RYR2: variants seen among roughly 807,000 people sequenced by gnomAD.
RYR2 encodes the protein ryanodine receptor 2.
Under a neutral mutation model 601.1 loss-of-function variants are expected in RYR2, and 227 were observed. The ratio of observed to expected loss-of-function variants is 0.38; its 90% CI spans 0.34 to 0.42. RYR2 has a LOEUF of 0.42. Ranked by LOEUF, RYR2 falls within the 10% of genes least tolerant of loss-of-function variation. The pLI is 1.00. For synonymous variants in RYR2, 2,223 were observed against 2,175.1 expected (o/e 1.02, Z -0.61); for missense variants, 4,646 against 6,156.5 (o/e 0.75, Z 8.21).
intron 1 of RYR2, among the ~76,000 whole-genome samples, chr1:237,056,030 A>C (rs1661978611): frequency 6.6e-6 from 1 of 151,268 alleles, no homozygotes. Context: ...GGACTGGAGC[A>C]CTGCACCTGT....
chr1:237,542,058 CTTTATTTATTTATTTATTTATTTA>C (rs71180097), intron 25 of RYR2, among the ~76,000 whole-genome samples: 10 of 148,414 alleles, frequency 6.7e-5, no homozygotes, highest in East Asian at 2.0e-4. Flanking sequence ...ACATTTTTGT[CTTTATTTATTTATTTATTTATTTA>C]TTTATTTATT....
At chr1:237,230,912 G>T (rs1294986840) in intron 1 of RYR2, among the ~76,000 whole-genome samples, 4 of 120,852 alleles carry the variant, frequency 3.3e-5, no homozygotes, top group African/African-American at 1.2e-4. Flanking sequence ...CTGGGTGATA[G>T]AGAGAGACTC....
At chr1:237,353,003 T>C (rs1316023699) in intron 3 of RYR2, 1 of 378,628 alleles carries the variant, frequency 2.6e-6, no homozygotes, top group Non-Finnish European at 5.4e-6. Flanking sequence ...AGTAGCTTCG[T>C]GTCATTTTAT....
chr1:237,823,943 C>A (rs929593805), intron 101 of RYR2, among the ~76,000 whole-genome samples: 13 of 152,082 alleles, frequency 8.5e-5, no homozygotes. Context: ...AATGGATAAA[C>A]TCCTGGACAC....
At chr1:237,594,886 G>GTTTTTTTT (rs776702428) in intron 33 of RYR2, among the ~76,000 whole-genome samples, 2 of 60,418 alleles carry the variant, frequency 3.3e-5, no homozygotes, top group African/African-American at 1.9e-4. Context: ...ATATCACTGG[G>GTTTTTTTT]TTTTTTTTTT....
At chr1:237,389,368 G>A (rs191847860) in intron 10 of RYR2, among the ~76,000 whole-genome samples, 188 of 152,248 alleles carry the variant, frequency 1.2e-3, no homozygotes, top group Non-Finnish European at 2.2e-3. Context: ...TGCCATTCCC[G>A]TGGGCTGGCT....
chr1:237,400,273 G>C (rs1458333220), intron 10 of RYR2, among the ~76,000 whole-genome samples: 1 of 152,212 alleles, frequency 6.6e-6, no homozygotes, highest in Non-Finnish European at 1.5e-5. Flanking sequence ...AAAGAGCAAA[G>C]ATTTCTGGGG....
At position 237,330,931 on chromosome 1, in the gene RYR2, T is replaced by C; in HGVS notation, c.222T>C (p.Ser74=). The C allele has an allele frequency of 6.2e-7, 1 of 1,614,026 alleles. No homozygotes were observed. The highest frequency in any genetic ancestry group is 8.5e-7 in the Non-Finnish European group (1 of 1,179,892). Residue 74 remains serine, a synonymous_variant, in exon 3 of 105, where the codon TCT becomes TCC. Transcript: ENST00000366574. ...CCTTTGTGCTGGAGCAGTCCCTCTC[T>C]GTCCGGGCGCTGCAGGAGATGCTGG... is the stretch of plus-strand genomic sequence containing the variant. The part of the protein sequence containing the change: ...ICTFVLEQSL[S]VRALQEMLAN...
In RYR2 at chr1:237,640,927, C is replaced by A. The variant is rs1459450227; in HGVS notation, c.7146C>A (p.Ile2382=). The A allele has an allele frequency of 9.9e-6, 16 of 1,613,586 alleles. No individual in the cohort carries two copies. The highest frequency in any genetic ancestry group is 1.4e-5 in the Non-Finnish European group (16 of 1,179,754). ...CAGAGGAGGAGGAAGATGACACTAT[C>A]CACATGGGGAACGCGATCATGACCT... The part of the protein sequence containing the change: ...LDTEEEEDDT[I]HMGNAIMTFY... The change falls in exon 47 of 105, where the codon ATC becomes ATA. Residue 2382 remains isoleucine, a synonymous_variant. Transcript: ENST00000366574.
intron 15 of RYR2, among the ~76,000 whole-genome samples, chr1:237,455,619 A>G (rs1658715335): frequency 1.3e-5 from 2 of 152,162 alleles, no homozygotes; most frequent in Admixed American, 1.3e-4. Flanking sequence ...AAAACCAGAA[A>G]GGGTTATTAC....
At chr1:237,668,820 G>A (rs1053507128) in intron 58 of RYR2, among the ~76,000 whole-genome samples, 1 of 152,218 alleles carries the variant, frequency 6.6e-6, no homozygotes. Context: ...AGGAAACAGA[G>A]TAACACAAAT....
chr1:237,569,273 T>C lies in RYR2; in HGVS notation c.3552T>C (p.Asp1184=). 1 of 1,613,920 alleles carries C rather than the reference T, an allele frequency of 6.2e-7. No homozygotes were observed. Among genetic ancestry groups the C allele is most frequent in the Non-Finnish European group, 8.5e-7 (1 of 1,179,874 alleles). The change falls in exon 29 of 105, where the codon GAT becomes GAC. Residue 1184 remains aspartate, a synonymous_variant. Coordinates refer to ENST00000366574, the MANE Select transcript of RYR2 (RefSeq NM_001035.3). Reference sequence around the variant, plus strand: ...CACTGAATGGTGAAATCCTTCTTGATGATTCAGGCTCAGAACTGGCTTTCA... The same window carrying C: ...CACTGAATGGTGAAATCCTTCTTGACGATTCAGGCTCAGAACTGGCTTTCA... ...MFTLNGEILL[D]DSGSELAFKD...
intron 33 of RYR2, among the ~76,000 whole-genome samples, chr1:237,594,915 T>TGCA (rs1559084338): frequency 1.3e-4 from 11 of 85,420 alleles, no homozygotes; most frequent in Non-Finnish European, 2.1e-4. Context: ...TTTTTTTTTT[T>TGCA]TTTTTTTTTT....
intron 33 of RYR2, among the ~76,000 whole-genome samples, chr1:237,593,897 T>C (rs1675516975): frequency 6.6e-6 from 1 of 152,222 alleles, no homozygotes; most frequent in South Asian, 2.1e-4. Flanking sequence ...GTAACATGAC[T>C]AACAGCTTGG....
At position 237,082,524 on chromosome 1, in the gene RYR2, C is replaced by CATATATATATATATATATATATAT. The variant is rs71561856; in HGVS notation, c.48+39965_48+39988dup. 1.5e-3 allele frequency among the ~76,000 whole-genome samples: 120 copies of CATATATATATATATATATATATAT among 79,948 alleles called. 5 individuals are homozygous for CATATATATATATATATATATATAT. Among genetic ancestry groups the CATATATATATATATATATATATAT allele is most frequent in the Non-Finnish European group, 1.7e-3 (60 of 35,632 alleles). 52.4% of individuals were successfully genotyped at this position (79,948 alleles called of 152,430 possible). On this transcript the variant is annotated intron_variant, in intron 1 of 104. Coordinates refer to ENST00000366574, the MANE Select transcript of RYR2 (RefSeq NM_001035.3). Reference sequence around the variant, plus strand: ...TGTTATATTCTTTCAAATAGGAAAACATATATATATATATATATATATATA... The same window carrying CATATATATATATATATATATATAT: ...TGTTATATTCTTTCAAATAGGAAAACATATATATATATATATATATATATATATATATATATATATATATATATA...
intron 2 of RYR2, among the ~76,000 whole-genome samples, chr1:237,305,957 A>C (rs1242913401): frequency 6.6e-6 from 1 of 152,206 alleles, no homozygotes; most frequent in Non-Finnish European, 1.5e-5. Context: ...CAATAAAACT[A>C]TGAGGGCCTA....
intron 12 of RYR2, among the ~76,000 whole-genome samples, chr1:237,439,613 C>T (rs1028234496): frequency 6.6e-5 from 10 of 151,446 alleles, no homozygotes; most frequent in Non-Finnish European, 8.8e-5. Flanking sequence ...CACTGCATTC[C>T]AGCCTGGGTG....
intron 14 of RYR2, among the ~76,000 whole-genome samples, chr1:237,451,290 G>T (rs1658076251): frequency 6.6e-6 from 1 of 152,130 alleles, no homozygotes; most frequent in Non-Finnish European, 1.5e-5. Context: ...AGCAAATTGG[G>T]CTGAGTGTGG....
intron 16 of RYR2, among the ~76,000 whole-genome samples, chr1:237,467,858 CTTTTT>C (rs199646421): frequency 8.1e-6 from 1 of 123,614 alleles, no homozygotes; most frequent in African/African-American, 3.0e-5. Flanking sequence ...ATTTTCTCTG[CTTTTT>C]TTTTTTTTTT....
Sources: gnomAD v4.1 joint callset for allele counts (sites outside exome capture counted in the v4.1 genomes callset) on GRCh38, gnomAD v4.1.1 for gene constraint, MANE v1.5 for transcripts, NCBI Gene and HGNC (gene_info 2026-07-23, HGNC 2026-07-21) for gene names.